Variants in CACNA1I observed in about 807,000 individuals in gnomAD.
CACNA1I encodes the protein calcium voltage-gated channel subunit alpha1 I.
In CACNA1I, 74 loss-of-function variants were observed where a neutral mutation model predicts 201.6. That is an observed-to-expected ratio of 0.37 (90% confidence interval 0.30 to 0.45). CACNA1I has a LOEUF of 0.45. CACNA1I is among the 20% of genes least tolerant of loss of function. The pLI is 1.00. For synonymous variants in CACNA1I, 1,431 were observed against 1,345.2 expected (o/e 1.06, Z -1.40); for missense variants, 2,346 against 3,138.1 (o/e 0.75, Z 6.03).
At chr22:39,674,114 C>A in intron 29 of CACNA1I, 81 bp downstream of exon 29, 1 of 1,339,292 alleles carries the variant, frequency 7.5e-7, no homozygotes, top group Non-Finnish European at 1.1e-6. Context: ...CCCTGATTTC[C>A]CTTCTCCTCA....
intron 1 of CACNA1I, among the ~76,000 whole-genome samples, chr22:39,590,877 G>T (rs527917981): frequency 6.6e-6 from 1 of 152,278 alleles, no homozygotes; most frequent in East Asian, 1.9e-4. Context: ...ATAGGATCTC[G>T]CTCTGTCGCT....
intron 10 of CACNA1I, among the ~76,000 whole-genome samples, chr22:39,653,489 G>T (rs764249628): frequency 6.6e-6 from 1 of 152,184 alleles, no homozygotes; most frequent in African/African-American, 2.4e-5. Context: ...GGTGGCGCTC[G>T]CAGAGAGAGG....
intron 24 of CACNA1I, 101 bp from the exon 25 acceptor site, chr22:39,669,937 C>G: frequency 7.4e-7 from 1 of 1,350,954 alleles, no homozygotes; most frequent in Non-Finnish European, 1.1e-6. Flanking sequence ...GAGGCAGGCT[C>G]AACACATGCC....
At chr22:39,617,464 T>G (rs1933575235) in intron 3 of CACNA1I, among the ~76,000 whole-genome samples, 1 of 150,900 alleles carries the variant, frequency 6.6e-6, no homozygotes, top group Non-Finnish European at 1.5e-5. Flanking sequence ...AAAGAGAGGC[T>G]GCGTCTGTGG....
In CACNA1I at chr22:39,673,737, C is replaced by A. The variant is rs1260805930; in HGVS notation, c.4784-226C>A. Among the ~76,000 whole-genome samples, 7 of 152,348 alleles carry A rather than the reference C, an allele frequency of 4.6e-5. No individual in the cohort carries two copies. The East Asian group carries it at 7.7e-4, about 17-fold the overall frequency. Reference sequence around the variant, plus strand: ...CATGAGTATGCCCCGTCCTCGGGGGCTTTTCTACAGTGACACCCACGCCTT... The same window carrying A: ...CATGAGTATGCCCCGTCCTCGGGGGATTTTCTACAGTGACACCCACGCCTT... On this transcript the variant is annotated intron_variant, in intron 28 of 36. Coordinates refer to ENST00000402142, the MANE Select transcript of CACNA1I (RefSeq NM_021096.4).
In CACNA1I at chr22:39,607,489, G is replaced by A. The variant is rs1303370477; in HGVS notation, c.482+6836G>A. ...CTGATGTGGTCTGTGGGCCACTGGT[G>A]GAGAAATTACAGCTCATTCGACTGT... is the stretch of plus-strand genomic sequence containing the variant. On this transcript the variant is annotated intron_variant, in intron 3 of 36. Coordinates refer to ENST00000402142, the MANE Select transcript of CACNA1I (RefSeq NM_021096.4). Among the ~76,000 whole-genome samples, 4 of 152,208 alleles carry A rather than the reference G, an allele frequency of 2.6e-5. No individual in the cohort carries two copies. In the East Asian group the frequency reaches 7.7e-4, roughly 29 times the overall value.
chr22:39,572,141 G>T (rs945028621), intron 1 of CACNA1I, among the ~76,000 whole-genome samples: 2 of 152,112 alleles, frequency 1.3e-5, no homozygotes, highest in South Asian at 2.1e-4. Context: ...ATGGGACTGT[G>T]CTCCAAGGGC....
rs572127898 is a variant in CACNA1I, at chr22:39,659,327, C to T, written c.2331-106C>T. The T allele has an allele frequency of 7.6e-5, 73 of 963,028 alleles. No individual in the cohort carries two copies. Among genetic ancestry groups the T allele is most frequent in the Non-Finnish European group, 1.0e-4 (65 of 626,288 alleles). 59.7% of individuals were successfully genotyped at this position (963,028 alleles called of 1,614,324 possible). A position where few individuals can be genotyped will look rare whatever the true frequency, so the allele number is the denominator to read the frequency against. On this transcript the variant is annotated intron_variant, in intron 12 of 36. Transcript: ENST00000402142. This position sits in a 1 kb window ranked among gnomAD's most constrained non-coding sequence, Gnocchi z 4.3. ...CTGTAAAATGGGACCAACGCTGCCC[C>T]GCCTCCCCCTGCCCTGCATTTTACT...
chr22:39,619,238 A>T (rs1035600880), intron 3 of CACNA1I, 72 bp from the exon 4 acceptor site: 13 of 1,147,498 alleles, frequency 1.1e-5, no homozygotes, highest in Admixed American at 1.7e-5. Context: ...GTGGCTGGAG[A>T]ATGCTGTGGC....
chr22:39,616,059 T>A (rs1933526303), intron 3 of CACNA1I, among the ~76,000 whole-genome samples: 1 of 152,208 alleles, frequency 6.6e-6, no homozygotes. Flanking sequence ...GGGGAATGTT[T>A]GCCGCAGACA....
At position 39,634,756 on chromosome 22, in the gene CACNA1I, C is replaced by T. The variant is rs181348639; in HGVS notation, c.740+32C>T. 1.3e-4 allele frequency: 210 copies of T among 1,600,834 alleles called. No individual in the cohort carries two copies. The East Asian group carries it at 1.9e-3, about 14-fold the overall frequency. ...TCATCCCCTGCCACCCATGCAGCTC[C>T]GGGGACTCTTACTAAGACACAGTTT... On this transcript the variant is annotated intron_variant, in intron 5 of 36. Transcript: ENST00000402142.
At chr22:39,621,813 C>G (rs901754626) in intron 4 of CACNA1I, among the ~76,000 whole-genome samples, 1 of 151,980 alleles carries the variant, frequency 6.6e-6, no homozygotes, top group African/African-American at 2.4e-5. Flanking sequence ...TGGCCCCTTC[C>G]CACTGCCCTA....
chr22:39,572,106 C>T (rs1047966326), intron 1 of CACNA1I, among the ~76,000 whole-genome samples: 3 of 152,032 alleles, frequency 2.0e-5, no homozygotes, highest in Non-Finnish European at 2.9e-5. Flanking sequence ...GGGAGCCCTG[C>T]AGGGCCTTGG....
rs978512060 is a variant in CACNA1I, at chr22:39,677,337, G to C, written c.4855-4G>C. The C allele has an allele frequency of 6.3e-7, 1 of 1,583,752 alleles. No individual in the cohort carries two copies. The highest frequency in any genetic ancestry group is 1.3e-5 in the African/African-American group (1 of 74,492). ...CCCACCCGGCCTCACCTGTCCTCCC[G>C]CAGGTGGGCAACCTGGGCCTCCTCT... On this transcript the variant is annotated splice_polypyrimidine_tract_variant and splice_region_variant and intron_variant, in intron 29 of 36. Coordinates refer to ENST00000402142, the MANE Select transcript of CACNA1I (RefSeq NM_021096.4). This position sits in a 1 kb window ranked among gnomAD's most constrained non-coding sequence, Gnocchi z 4.8.
Position 39,662,530 on chromosome 22 carries a change from CG to C in CACNA1I, c.3372+101del, listed in dbSNP as rs1170021092. ...GGCGGGGCCCGAGCGGGCGGGCCCA[CG>C]GGGGGCGTGGCCGGGGCGTGGCCGG... On this transcript the variant is annotated intron_variant, in intron 17 of 36. Coordinates refer to ENST00000402142, the MANE Select transcript of CACNA1I (RefSeq NM_021096.4). The C allele has an allele frequency of 1.8e-4, 180 of 981,398 alleles. No individual in the cohort carries two copies. The East Asian group carries it at 4.7e-3, about 26-fold the overall frequency. The allele number at this position is 981,398 out of a possible 1,614,324, so 60.8% of individuals were successfully genotyped here.
intron 4 of CACNA1I, among the ~76,000 whole-genome samples, chr22:39,627,721 G>T (rs1428613991): frequency 6.6e-6 from 1 of 152,246 alleles, no homozygotes; most frequent in East Asian, 1.9e-4. Context: ...GGCTTGGGGA[G>T]AGCAGAAGGA....
rs1601486975 is a variant in CACNA1I, at chr22:39,641,051, G to T, written c.925G>T (p.Asp309Tyr). The T allele has an allele frequency of 1.2e-6, 2 of 1,613,936 alleles. No individual in the cohort carries two copies. Among genetic ancestry groups the T allele is most frequent in the Non-Finnish European group, 1.7e-6 (2 of 1,179,914 alleles). ...CTACGACTTTGGGGCGGGGCGCCAG[G>T]ACCTCAATGCCAGCGGCCTCTGTGT... ...DVYDFGAGRQ[D>Y]LNASGLCVNW... The change falls in exon 6 of 37, where the codon GAC (aspartate) becomes TAC (tyrosine). Residue 309 changes from aspartate to tyrosine, a missense_variant. By Grantham distance (160) the Asp-to-Tyr change is radical. Around this residue, in one of 13 missense-constraint regions of CACNA1I, gnomAD observed 227 missense variants for 412.5 expected, o/e 0.55. Coordinates refer to ENST00000402142, the MANE Select transcript of CACNA1I (RefSeq NM_021096.4).
chr22:39,616,764 CAA>C (rs66551782), intron 3 of CACNA1I, among the ~76,000 whole-genome samples: 2,072 of 107,054 alleles, frequency 0.019, 30 homozygotes, highest in African/African-American at 0.062. Flanking sequence ...AACTCTGTCT[CAA>C]AAAAAAAAAA....
At chr22:39,653,809 C>A (rs1934732261) in intron 10 of CACNA1I, among the ~76,000 whole-genome samples, 1 of 152,240 alleles carries the variant, frequency 6.6e-6, no homozygotes, top group African/African-American at 2.4e-5. Context: ...ACAGCTTGCT[C>A]ATCCAGGTTC....
Sources: allele counts gnomAD v4.1 joint callset (sites outside exome capture counted in the v4.1 genomes callset), GRCh38; gene constraint gnomAD v4.1.1; regional missense constraint gnomAD v4.1.1; non-coding constraint Gnocchi (gnomAD v3.1); transcripts MANE v1.5; gene names NCBI Gene and HGNC (gene_info 2026-07-23, HGNC 2026-07-21).